Variants in FBN1 observed in about 807,000 individuals in gnomAD.
The protein encoded by FBN1 is fibrillin 1, also known as fibrillin-1.
A neutral mutation model predicts 365.1 loss-of-function variants in FBN1; 29 were observed. The ratio of observed to expected loss-of-function variants is 0.08; its 90% CI spans 0.06 to 0.11. The LOEUF (loss-of-function observed/expected upper bound fraction) is 0.11, where lower values mean the gene tolerates loss of function less well. Ranked by LOEUF, FBN1 falls within the 10% of genes least tolerant of loss-of-function variation. The pLI is 1.00. For missense variants in FBN1, 2,476 were observed against 3,703.2 expected, an observed-to-expected ratio of 0.67 and a Z score of 8.60; for synonymous variants, 1,210 against 1,270.5, an observed-to-expected ratio of 0.95 and a Z score of 1.01.
intron 32 of FBN1, among the ~76,000 whole-genome samples, chr15:48,475,290 C>T (rs776342116): frequency 6.6e-6 from 1 of 152,122 alleles, no homozygotes; most frequent in Non-Finnish European, 1.5e-5. Flanking sequence ...GCCAAGCCTT[C>T]TTGTATATTT....
rs2043402890 is a variant in FBN1, at chr15:48,474,377, T to A, written c.4088A>T (p.Asp1363Val). 6.2e-7 allele frequency: 1 copy of A among 1,614,120 alleles called. No individual in the cohort carries two copies. The highest frequency in any genetic ancestry group is 1.1e-5 in the South Asian group (1 of 91,076). Residue 1363 changes from aspartate (D) to valine (V), a missense_variant and splice_region_variant, in exon 34 of 66, where the codon GAT becomes GTT. Coordinates refer to ENST00000316623, the MANE Select transcript of FBN1 (RefSeq NM_000138.5). Reference sequence around the variant, plus strand: ...GGTTCCATTGGAACATTCGTCCAGATCTTATAGAAAAAGGTTATATCATTA... The same window carrying A: ...GGTTCCATTGGAACATTCGTCCAGAACTTATAGAAAAAGGTTATATCATTA... Reference protein sequence around the residue: ...GWIGDGIKCTDLDECSNGTHM... With the variant: ...GWIGDGIKCTVLDECSNGTHM...
In FBN1 at chr15:48,411,292, T is replaced by C. The variant is rs778014965; in HGVS notation, c.8314A>G (p.Ser2772Gly). Reference sequence around the variant, plus strand: ...AGTTCTAGGATTCGAACCTTGTTACTGACGTGGGAAATATTGAAAGCAAAG... The same window carrying C: ...AGTTCTAGGATTCGAACCTTGTTACCGACGTGGGAAATATTGAAAGCAAAG... ...AIFAFNISHV[S>G]NKVRILELLP... Residue 2772 changes from serine to glycine, a missense_variant, in exon 66 of 66, where the codon AGT becomes GGT. Physicochemically the swap from Ser to Gly is moderately conservative, Grantham distance 56. Coordinates refer to ENST00000316623, the MANE Select transcript of FBN1 (RefSeq NM_000138.5). 5 of 1,613,994 alleles carry C rather than the reference T, an allele frequency of 3.1e-6. No individual in the cohort carries two copies. The highest frequency in any genetic ancestry group is 1.7e-5 in the Admixed American group (1 of 59,994).
In FBN1 at chr15:48,494,218, C is replaced by T. The variant is rs1060501091; in HGVS notation, c.2714G>A (p.Gly905Glu). The T allele has an allele frequency of 2.5e-6, 4 of 1,612,464 alleles. No individual in the cohort carries two copies. Among genetic ancestry groups the T allele is most frequent in the Non-Finnish European group, 3.4e-6 (4 of 1,178,756 alleles). ...ATCAGAAATACCTTCACATTGTGTTCCTTTAATTCTTGAGTACCCTTTACC... is the reference window on the plus strand; with the variant it reads ...ATCAGAAATACCTTCACATTGTGTTTCTTTAATTCTTGAGTACCCTTTACC... Reference protein sequence around the residue: ...ICGKGYSRIKGTQCEDIDECE... With the variant: ...ICGKGYSRIKETQCEDIDECE... The change falls in exon 23 of 66, where the codon GGA becomes GAA. Residue 905 changes from glycine (G) to glutamate (E), a missense_variant. Physicochemically the swap from Gly to Glu is moderately conservative, Grantham distance 98 (BLOSUM62 -2). Around this residue, in one of 5 missense-constraint regions of FBN1, gnomAD observed 1,780 missense variants for 2,840.8 expected, o/e 0.63. Transcript: ENST00000316623.
chr15:48,586,130 T>A (rs1392093322), intron 6 of FBN1, among the ~76,000 whole-genome samples: 1 of 152,208 alleles, frequency 6.6e-6, no homozygotes, highest in Non-Finnish European at 1.5e-5. Flanking sequence ...ACTGGGTCAG[T>A]TAATCAGTTT....
chr15:48,419,991 A>C (rs2042927665), intron 63 of FBN1, among the ~76,000 whole-genome samples: 1 of 152,196 alleles, frequency 6.6e-6, no homozygotes, highest in South Asian at 2.1e-4. Flanking sequence ...CCCTTTCTGG[A>C]CTTCTAGGTC....
intron 60 of FBN1, among the ~76,000 whole-genome samples, chr15:48,423,612 G>A (rs924762153): frequency 1.3e-5 from 2 of 152,160 alleles, no homozygotes; most frequent in African/African-American, 4.8e-5. Context: ...TACAACACAT[G>A]AAGAACAGCA....
intron 43 of FBN1, 33 bp from the exon 44 acceptor site, chr15:48,456,795 G>A (rs753393976): frequency 3.8e-5 from 61 of 1,606,344 alleles, no homozygotes; most frequent in Middle Eastern, 1.7e-4. Context: ...TGAGTGACAG[G>A]ACAGCACATG....
chr15:48,630,201 C>G (rs1489152941), intron 2 of FBN1, among the ~76,000 whole-genome samples: 1 of 152,176 alleles, frequency 6.6e-6, no homozygotes, highest in Non-Finnish European at 1.5e-5. Context: ...TTATGACAAA[C>G]ATAAACCCAT....
intron 25 of FBN1, 30 bp downstream of exon 25, chr15:48,489,821 C>T: frequency 6.4e-7 from 1 of 1,560,676 alleles, no homozygotes; most frequent in Non-Finnish European, 8.8e-7. Flanking sequence ...AAAAGGGAGG[C>T]AATTGGCCAT....
chr15:48,462,153 T>G (rs1188820968), intron 42 of FBN1, among the ~76,000 whole-genome samples: 2 of 152,214 alleles, frequency 1.3e-5, no homozygotes, highest in African/African-American at 4.8e-5. Context: ...ATTTAATATT[T>G]TATATATCAC....
intron 50 of FBN1, among the ~76,000 whole-genome samples, chr15:48,440,911 A>AG (rs1400937772): frequency 1.3e-5 from 2 of 151,540 alleles, no homozygotes; most frequent in African/African-American, 4.8e-5. Context: ...AAAAAAAAAA[A>AG]AAACCCAACT....
At chr15:48,485,562 TG>T (rs1171097462) in intron 29 of FBN1, 66 bp from the exon 30 acceptor site, 8 of 1,575,572 alleles carry the variant, frequency 5.1e-6, no homozygotes, top group Non-Finnish European at 7.0e-6. Context: ...CCAATACTCG[TG>T]TTGAAATTTA....
intron 20 of FBN1, 47 bp from the exon 21 acceptor site, chr15:48,495,635 C>T: frequency 6.2e-7 from 1 of 1,612,836 alleles, no homozygotes; most frequent in South Asian, 1.1e-5. Context: ...TAGTCTTGGG[C>T]CTAAAAGAGT....
rs2043484887 is a variant in FBN1 at position 48,483,864 on chromosome 15, C to T, written c.3792G>A (p.Leu1264=). The T allele has an allele frequency of 1.2e-6, 2 of 1,613,824 alleles. No individual in the cohort carries two copies. The highest frequency in any genetic ancestry group is 2.2e-5 in the East Asian group (1 of 44,868). The change falls in exon 31 of 66, where the codon TTG becomes TTA. Residue 1264 remains leucine (L), a synonymous_variant. Transcript: ENST00000316623. ...CTNIPGEYRC[L]CYDGFMASED... ...CAGATGCCATGAATCCATCATAACACAAGCACCTGTACTCTCCAGGGATAT... is the reference window on the plus strand; with the variant it reads ...CAGATGCCATGAATCCATCATAACATAAGCACCTGTACTCTCCAGGGATAT...
intron 6 of FBN1, among the ~76,000 whole-genome samples, chr15:48,544,007 T>C (rs1042125540): frequency 6.6e-6 from 1 of 152,004 alleles, no homozygotes; most frequent in Non-Finnish European, 1.5e-5. Flanking sequence ...TACATACACA[T>C]AGAGAGCTAT....
rs1597561633 is a variant in FBN1 at position 48,485,553 on chromosome 15, C to CA, written c.3590-58dup. The CA allele has an allele frequency of 3.1e-5, 49 of 1,591,790 alleles. 1 individual carries two copies. The East Asian group carries it at 1.1e-3, about 35-fold the overall frequency. On this transcript the variant is annotated intron_variant, in intron 29 of 65. Coordinates refer to ENST00000316623, the MANE Select transcript of FBN1 (RefSeq NM_000138.5). ...ATATGGTTTGGATGTCTGTCCCCTC[C>CA]AATACTCGTGTTGAAATTTAACTGC...
chr15:48,632,573 A>G (rs1701962279), intron 2 of FBN1, among the ~76,000 whole-genome samples: 1 of 152,202 alleles, frequency 6.6e-6, no homozygotes, highest in African/African-American at 2.4e-5. Context: ...GTTTGACCCA[A>G]AGCATGTCTA....
intron 64 of FBN1, among the ~76,000 whole-genome samples, chr15:48,413,471 G>A (rs2042879888): frequency 6.6e-6 from 1 of 152,224 alleles, no homozygotes; most frequent in African/African-American, 2.4e-5. Flanking sequence ...AACTCGTTCA[G>A]CTGTTTTTCT....
chr15:48,582,383 T>A (rs2044400900), intron 6 of FBN1, among the ~76,000 whole-genome samples: 1 of 152,226 alleles, frequency 6.6e-6, no homozygotes, highest in African/African-American at 2.4e-5. Context: ...TTTCACCTAT[T>A]GTGCACAGTA....
Sources: allele counts gnomAD v4.1 joint callset (sites outside exome capture counted in the v4.1 genomes callset), GRCh38; gene constraint gnomAD v4.1.1; regional missense constraint gnomAD v4.1.1; transcripts MANE v1.5; gene names NCBI Gene and HGNC (gene_info 2026-07-23, HGNC 2026-07-21).